PDS5B: variants seen among roughly 807,000 people sequenced by gnomAD.
PDS5B encodes the protein sister chromatid cohesion protein PDS5 homolog B.
Under a neutral mutation model 184.1 loss-of-function variants are expected in PDS5B, and 51 were observed. The observed-to-expected ratio is 0.28, with a 90% CI of 0.22 to 0.35. The LOEUF is 0.35. Ranked by LOEUF, PDS5B falls within the 10% of genes least tolerant of loss-of-function variation. PDS5B has a pLI of 1.00. For synonymous variants in PDS5B, 566 were observed against 569.2 expected, an observed-to-expected ratio of 0.99 and a Z score of 0.08; for missense variants, 1,180 against 1,723.3, an observed-to-expected ratio of 0.68 and a Z score of 5.58.
chr13:32,668,693 T>C (rs1950861199), intron 7 of PDS5B, among the ~76,000 whole-genome samples: 1 of 152,324 alleles, frequency 6.6e-6, no homozygotes, highest in East Asian at 1.9e-4. Flanking sequence ...AGGATATAAA[T>C]TTGCATTCCT....
At chr13:32,630,477 C>G (rs2058437636) in intron 1 of PDS5B, among the ~76,000 whole-genome samples, 1 of 152,116 alleles carries the variant, frequency 6.6e-6, no homozygotes. Flanking sequence ...ACCCTGACCT[C>G]CACTTGCAAT....
intron 23 of PDS5B, 25 bp downstream of exon 23, chr13:32,742,752 C>A (rs1953603176): frequency 1.3e-6 from 2 of 1,596,662 alleles, no homozygotes; most frequent in Non-Finnish European, 1.7e-6. Flanking sequence ...TTTCACAGTT[C>A]TTTGGATTGC....
At chr13:32,640,923 G>A (rs1023758273) in intron 1 of PDS5B, among the ~76,000 whole-genome samples, 3 of 151,906 alleles carry the variant, frequency 2.0e-5, no homozygotes, top group Non-Finnish European at 4.4e-5. Flanking sequence ...CAGGCGTGGT[G>A]GCGAGCTCCT....
At chr13:32,713,817 ATATAC>A in intron 19 of PDS5B, among the ~76,000 whole-genome samples, 1 of 152,310 alleles carries the variant, frequency 6.6e-6, no homozygotes, top group Non-Finnish European at 1.5e-5. Context: ...TTTTTGGAAA[ATATAC>A]TGGTGCAGTT....
At chr13:32,701,049 C>T (rs1951847235) in intron 16 of PDS5B, 1 of 215,956 alleles carries the variant, frequency 4.6e-6, no homozygotes. Context: ...ATATATGAGA[C>T]AGGGACCTTA....
At chr13:32,619,257 G>C (rs2058261609) in intron 1 of PDS5B, among the ~76,000 whole-genome samples, 1 of 152,050 alleles carries the variant, frequency 6.6e-6, no homozygotes, top group Non-Finnish European at 1.5e-5. Flanking sequence ...TAACAACAGG[G>C]GTACATTCTG....
At chr13:32,764,419 A>T in intron 30 of PDS5B, 70 bp from the exon 31 acceptor site, 1 of 906,980 alleles carries the variant, frequency 1.1e-6, no homozygotes, top group Non-Finnish European at 1.6e-6. Context: ...CTGTAAAGCT[A>T]CACTAGGAAC....
chr13:32,679,831 T>C (rs1467152409), intron 10 of PDS5B, among the ~76,000 whole-genome samples: 4 of 151,804 alleles, frequency 2.6e-5, no homozygotes, highest in Admixed American at 6.6e-5. Flanking sequence ...CCATCTTTGC[T>C]CTCCCCTTCC....
intron 6 of PDS5B, among the ~76,000 whole-genome samples, chr13:32,665,598 A>AAC (rs1566302258): frequency 1.3e-5 from 2 of 149,596 alleles, no homozygotes; most frequent in African/African-American, 4.9e-5. Context: ...CAAAAAAAAA[A>AAC]AAAAAAAAAA....
chr13:32,658,503 C>CTA lies in PDS5B; in HGVS notation c.472_473dup (p.Arg159ThrfsTer8). The CTA allele has an allele frequency of 6.4e-7, 1 of 1,557,410 alleles. No individual in the cohort carries two copies. The highest frequency in any genetic ancestry group is 8.8e-7 in the Non-Finnish European group (1 of 1,136,090). On this transcript the variant is annotated frameshift_variant, in exon 5 of 35. Transcript: ENST00000315596. LOFTEE classifies it high-confidence loss of function. ...AGATAGCAATGAAATTTTCACCCAG[C>CTA]TATACAGAACCTTATTTTCAGTTAT...
At chr13:32,752,722 A>C (rs1954029911) in intron 24 of PDS5B, among the ~76,000 whole-genome samples, 1 of 152,190 alleles carries the variant, frequency 6.6e-6, no homozygotes, top group African/African-American at 2.4e-5. Flanking sequence ...GAGTAGTATG[A>C]GTTAAGCAGG....
chr13:32,668,042 T>A (rs1950846884), intron 7 of PDS5B, among the ~76,000 whole-genome samples, 198 bp downstream of exon 7: 1 of 152,346 alleles, frequency 6.6e-6, no homozygotes, highest in Middle Eastern at 3.4e-3. Flanking sequence ...GCTCTCATCC[T>A]ATTTGTTCTT....
intron 1 of PDS5B, among the ~76,000 whole-genome samples, chr13:32,609,011 A>C (rs1471701088): frequency 1.3e-5 from 2 of 152,204 alleles, no homozygotes; most frequent in African/African-American, 4.8e-5. Flanking sequence ...GAATTTAGAG[A>C]AGGGTAGTTG....
At chr13:32,639,894 T>A (rs747884387) in intron 1 of PDS5B, among the ~76,000 whole-genome samples, 2 of 152,252 alleles carry the variant, frequency 1.3e-5, no homozygotes, top group African/African-American at 4.8e-5. Flanking sequence ...TTGATTTCTG[T>A]GACTGTGAAT....
intron 23 of PDS5B, among the ~76,000 whole-genome samples, chr13:32,743,853 TA>T (rs1953651721): frequency 6.6e-6 from 1 of 152,160 alleles, no homozygotes. Context: ...GTTTAGGAGT[TA>T]CAAATAATAA....
chr13:32,723,646 C>G (rs1176405495), intron 19 of PDS5B, among the ~76,000 whole-genome samples: 2 of 152,074 alleles, frequency 1.3e-5, no homozygotes, highest in Non-Finnish European at 2.9e-5. Context: ...CTTTAAAAAT[C>G]TCAGCTAAAG....
At chr13:32,659,111 A>C (rs755448876) in intron 5 of PDS5B, 43 bp from the exon 6 acceptor site, 9 of 1,457,488 alleles carry the variant, frequency 6.2e-6, no homozygotes. Context: ...TAAATCCTGT[A>C]TATCTCAGTT....
chr13:32,602,737 T>A (rs2057997015), intron 1 of PDS5B, among the ~76,000 whole-genome samples: 1 of 152,228 alleles, frequency 6.6e-6, no homozygotes, highest in Non-Finnish European at 1.5e-5. Flanking sequence ...TTCCTATTTC[T>A]CCACATCCTC....
At chr13:32,623,727 A>T (rs1313867223) in intron 1 of PDS5B, among the ~76,000 whole-genome samples, 2 of 151,964 alleles carry the variant, frequency 1.3e-5, no homozygotes, top group African/African-American at 4.8e-5. Flanking sequence ...TTAGTTTTAA[A>T]AAAAGTTTAG....
Sources: gnomAD v4.1 joint callset for allele counts (sites outside exome capture counted in the v4.1 genomes callset) on GRCh38, gnomAD v4.1.1 for gene constraint, MANE v1.5 for transcripts, NCBI Gene and HGNC (gene_info 2026-07-23, HGNC 2026-07-21) for gene names.